ZFAND6: variants seen among roughly 807,000 people sequenced by gnomAD.
ZFAND6 encodes the protein zinc finger AN1-type containing 6.
In ZFAND6, 12 loss-of-function variants were observed where a neutral mutation model predicts 24.5. The observed-to-expected ratio is 0.49, with a 90% confidence interval of 0.31 to 0.79. The LOEUF is 0.79. Ranked by LOEUF, ZFAND6 falls within the 30% of genes least tolerant of loss-of-function variation. The pLI is 0.04. For synonymous variants in ZFAND6, 92 were observed against 81.5 expected (o/e 1.13, Z -0.69); for missense variants, 207 against 245.9 (o/e 0.84, Z 1.06).
chr15:80,124,228 T>G (rs2040273441), intron 5 of ZFAND6, among the ~76,000 whole-genome samples: 1 of 152,136 alleles, frequency 6.6e-6, no homozygotes, highest in Non-Finnish European at 1.5e-5. Context: ...GGTCAGGAGA[T>G]CGAGACCATC....
chr15:80,073,294 C>G (rs1185100245), intron 1 of ZFAND6: 21 of 341,724 alleles, frequency 6.1e-5, no homozygotes, highest in Non-Finnish European at 1.0e-4. Flanking sequence ...CATTTCGAAA[C>G]AGGAAATGAA....
At chr15:80,087,877 T>A (rs944785437) in intron 1 of ZFAND6, among the ~76,000 whole-genome samples, 2 of 152,156 alleles carry the variant, frequency 1.3e-5, no homozygotes, top group East Asian at 1.9e-4. Context: ...ATATAAAAAT[T>A]AAATTAGTAT....
intron 2 of ZFAND6, among the ~76,000 whole-genome samples, chr15:80,116,893 CT>C (rs776842859): frequency 1.3e-5 from 2 of 151,858 alleles, no homozygotes; most frequent in African/African-American, 2.4e-5. Context: ...TGATATAAAA[CT>C]TTTTGTCCTG....
At chr15:80,059,178 G>A (rs1326366231), upstream of ZFAND6, among the ~76,000 whole-genome samples, 3 of 152,252 alleles carry the variant, frequency 2.0e-5, no homozygotes, top group African/African-American at 7.2e-5. Context: ...AGACTGAGGC[G>A]CCGGCCTGCA....
intron 1 of ZFAND6, among the ~76,000 whole-genome samples, chr15:80,081,025 C>T (rs1161800765): frequency 1.3e-5 from 2 of 152,206 alleles, no homozygotes; most frequent in East Asian, 1.9e-4. Flanking sequence ...GGGACAAATA[C>T]ACAAACTTTA....
At chr15:80,089,129 T>A (rs778753200) in intron 1 of ZFAND6, among the ~76,000 whole-genome samples, 5 of 151,968 alleles carry the variant, frequency 3.3e-5, no homozygotes, top group Non-Finnish European at 7.4e-5. Context: ...CTACTCATAA[T>A]TGACAACTCC....
intron 2 of ZFAND6, among the ~76,000 whole-genome samples, chr15:80,102,842 C>T (rs1398459127): frequency 2.0e-5 from 3 of 152,170 alleles, no homozygotes; most frequent in Non-Finnish European, 4.4e-5. Context: ...TCACTGTTTA[C>T]TGGATTCTAG....
intron 1 of ZFAND6, among the ~76,000 whole-genome samples, chr15:80,068,307 G>C (rs2036776983): frequency 6.6e-6 from 1 of 151,252 alleles, no homozygotes; most frequent in South Asian, 2.1e-4. Context: ...CACCATGCCT[G>C]TATAATTTTT....
In ZFAND6 at chr15:80,104,533, G is replaced by A. The variant is rs72738476; in HGVS notation, c.-18+5955G>A. On this transcript the variant is annotated intron_variant, in intron 2 of 6. Coordinates refer to ENST00000261749, the MANE Select transcript of ZFAND6 (RefSeq NM_019006.4). Reference sequence around the variant, plus strand: ...GACCCTGTCTCAAATCAGTCAGTCAGTCAATCCATCCATCCATCCATCCAT... The same window carrying A: ...GACCCTGTCTCAAATCAGTCAGTCAATCAATCCATCCATCCATCCATCCAT... Among the ~76,000 whole-genome samples the A allele has an allele frequency of 5.4e-3, 744 of 136,906 alleles. 6 individuals carry two copies. The highest frequency in any genetic ancestry group is 0.023 in the Middle Eastern group (6 of 262). The allele number at this position is 136,906 out of a possible 152,430, so 89.8% of individuals were successfully genotyped here. A position where few individuals can be genotyped will look rare whatever the true frequency, so the allele number is the denominator to read the frequency against.
rs982547303 is a variant in ZFAND6 at position 80,124,875 on chromosome 15, TAAC to T, written c.364+2079_364+2081del. On this transcript the variant is annotated intron_variant, in intron 5 of 6. Coordinates refer to ENST00000261749, the MANE Select transcript of ZFAND6 (RefSeq NM_019006.4). ...TTAGGTTCCAGTATGTAAAATCTCT[TAAC>T]AACCTAGTTTTTAAAAAAAATTTAA... Among the ~76,000 whole-genome samples the T allele has an allele frequency of 2.6e-5, 4 of 152,204 alleles. No individual in the cohort carries two copies. The South Asian group carries it at 6.2e-4, about 24-fold the overall frequency.
chr15:80,131,185 G>T lies in ZFAND6; in HGVS notation c.370G>T (p.Val124Leu), dbSNP rs764948962. 2 of 1,578,092 alleles carry T rather than the reference G, an allele frequency of 1.3e-6. No homozygotes were observed. Among genetic ancestry groups the T allele is most frequent in the East Asian group, 2.2e-5 (1 of 44,548 alleles). Residue 124 changes from valine to leucine, a missense_variant, in exon 6 of 7, where the codon GTA becomes TTA. Physicochemically the swap from Val to Leu is conservative, Grantham distance 32. This residue lies in a region of ZFAND6 where 133 missense variants were observed against 122.8 expected (regional missense o/e 1.08). Transcript: ENST00000261749. ...VPETEDVQAS[V>L]SDTAQQPSEE... ...CACCTTCGTATTTTTGTTAGCTTCA[G>T]TATCAGACACAGCACAGCAGCCATC...
chr15:80,083,979 G>C (rs1036935585), intron 1 of ZFAND6, among the ~76,000 whole-genome samples: 2 of 152,188 alleles, frequency 1.3e-5, no homozygotes, highest in African/African-American at 4.8e-5. Context: ...TTGAATTACT[G>C]ATTTGGGGCG....
intron 1 of ZFAND6, among the ~76,000 whole-genome samples, chr15:80,071,665 A>C (rs1307405073): frequency 1.3e-5 from 2 of 151,992 alleles, no homozygotes; most frequent in African/African-American, 2.4e-5. Flanking sequence ...CTTAGTGAGA[A>C]GTTTAAGAGG....
intron 1 of ZFAND6, among the ~76,000 whole-genome samples, chr15:80,080,679 G>T (rs974197136): frequency 6.6e-6 from 1 of 152,186 alleles, no homozygotes; most frequent in African/African-American, 2.4e-5. Context: ...ATAAAAAGAG[G>T]TTTAATTGGC....
intron 2 of ZFAND6, among the ~76,000 whole-genome samples, chr15:80,112,320 A>G (rs183798361): frequency 6.6e-6 from 1 of 152,224 alleles, no homozygotes; most frequent in Non-Finnish European, 1.5e-5. Context: ...CAAAATCCCT[A>G]TACTTTTATC....
At chr15:80,085,898 A>G (rs1428276743) in intron 1 of ZFAND6, among the ~76,000 whole-genome samples, 1 of 152,196 alleles carries the variant, frequency 6.6e-6, no homozygotes, top group African/African-American at 2.4e-5. Context: ...ATGTTTAGAT[A>G]CACAGATACT....
At chr15:80,122,550 T>C (rs2142019725) in intron 4 of ZFAND6, 150 bp from the exon 5 acceptor site, 1 of 566,860 alleles carries the variant, frequency 1.8e-6, no homozygotes, top group Non-Finnish European at 3.1e-6. Context: ...GTTTTAAAGC[T>C]CTATGATTAT....
intron 1 of ZFAND6, among the ~76,000 whole-genome samples, chr15:80,066,691 G>A (rs560838823): frequency 1.1e-3 from 165 of 152,022 alleles, no homozygotes; most frequent in African/African-American, 3.9e-3. Context: ...GATGTCAAGA[G>A]TTCAAGACCA....
At chr15:80,059,348 T>C (rs1222292989), upstream of ZFAND6, among the ~76,000 whole-genome samples, 1 of 152,220 alleles carries the variant, frequency 6.6e-6, no homozygotes, top group Non-Finnish European at 1.5e-5. Flanking sequence ...GCGGCACCTC[T>C]TAATCGCCTT....
Sources: allele counts gnomAD v4.1 joint callset (sites outside exome capture counted in the v4.1 genomes callset), GRCh38; gene constraint gnomAD v4.1.1; regional missense constraint gnomAD v4.1.1; transcripts MANE v1.5; gene names NCBI Gene and HGNC (gene_info 2026-07-23, HGNC 2026-07-21).